Variants in ADAMTS7 observed in about 807,000 individuals in gnomAD.
The protein encoded by ADAMTS7 is A disintegrin and metalloproteinase with thrombospondin motifs 7.
Under a neutral mutation model 172.6 loss-of-function variants are expected in ADAMTS7, and 89 were observed. That is an observed-to-expected ratio of 0.52 (90% CI 0.43 to 0.61). The LOEUF is 0.61. Among genes scored for constraint, ADAMTS7 ranks in the 20% least tolerant of loss-of-function variants. ADAMTS7 has a pLI of 0.00. For synonymous variants in ADAMTS7, 885 were observed against 978.4 expected, an observed-to-expected ratio of 0.90 and a Z score of 1.78; for missense variants, 1,973 against 2,355.6, an observed-to-expected ratio of 0.84 and a Z score of 3.36.
Position 78,774,740 on chromosome 15 carries a change from C to T in ADAMTS7, c.1760G>A (p.Cys587Tyr). ...GCCAGCAGGGCAGGCCTGCAGGTTG[C>T]AGAGGCGGAAGCGCTTGCGCTCACC... Reference protein sequence around the residue: ...CVGERKRFRLCNLQACPAGRP... With the variant: ...CVGERKRFRLYNLQACPAGRP... The change falls in exon 12 of 24, where the codon TGC (cysteine) becomes TAC (tyrosine). Residue 587 changes from cysteine (C) to tyrosine (Y), a missense_variant. Around this residue, in one of 8 missense-constraint regions of ADAMTS7, gnomAD observed 526 missense variants for 662.9 expected, o/e 0.79. Transcript: ENST00000388820. 1 of 1,611,532 alleles carries T rather than the reference C, an allele frequency of 6.2e-7. No homozygotes were observed. Among genetic ancestry groups the T allele is most frequent in the East Asian group, 2.2e-5 (1 of 44,884 alleles).
Position 78,776,207 on chromosome 15 carries a change from G to C in ADAMTS7, c.1687C>G (p.Arg563Gly). 1 of 1,611,040 alleles carries C rather than the reference G, an allele frequency of 6.2e-7. No homozygotes were observed. Among genetic ancestry groups the C allele is most frequent in the Non-Finnish European group, 8.5e-7 (1 of 1,179,616 alleles). ...SCGMGVQSAE[R>G]QCTQPTPKYK... ...ACTCACGTAGGCTGCGTGCACTGCCGCTCGGCGCTCTGTACGCCCATGCCA... is the reference window on the plus strand; with the variant it reads ...ACTCACGTAGGCTGCGTGCACTGCCCCTCGGCGCTCTGTACGCCCATGCCA... Residue 563 changes from arginine to glycine, a missense_variant, in exon 11 of 24, where the codon CGG (arginine) becomes GGG (glycine). This residue lies in a region of ADAMTS7 where 526 missense variants were observed against 662.9 expected (regional missense o/e 0.79). Transcript: ENST00000388820.
At position 78,787,396 on chromosome 15, in the gene ADAMTS7, G is replaced by A. The variant is rs189515758; in HGVS notation, c.1322+835C>T. 3.5e-3 allele frequency among the ~76,000 whole-genome samples: 503 copies of A among 145,234 alleles called. 2 individuals carry two copies. Among genetic ancestry groups the A allele is most frequent in the African/African-American group, 0.012 (485 of 40,002 alleles). On this transcript the variant is annotated intron_variant, in intron 8 of 23. Transcript: ENST00000388820. ...CAGAACAGGCCGGGCATGGTGCACCGCTCATGCCTGTAATTCCAGCACTCT... is the reference window on the plus strand; with the variant it reads ...CAGAACAGGCCGGGCATGGTGCACCACTCATGCCTGTAATTCCAGCACTCT...
intron 1 of ADAMTS7, among the ~76,000 whole-genome samples, chr15:78,805,675 C>T (rs541352701): frequency 2.0e-5 from 3 of 152,322 alleles, no homozygotes; most frequent in African/African-American, 4.8e-5. Flanking sequence ...TGCTCATTTA[C>T]GTTACCTGCC....
intron 11 of ADAMTS7, among the ~76,000 whole-genome samples, chr15:78,775,616 C>T (rs191392179): frequency 0.02 from 3,120 of 152,198 alleles, 58 homozygotes; most frequent in Non-Finnish European, 0.029. Flanking sequence ...CACGTCAGGC[C>T]ACCCCTTCAG....
At chr15:78,785,570 A>G (rs1294939220) in intron 8 of ADAMTS7, among the ~76,000 whole-genome samples, 1 of 151,844 alleles carries the variant, frequency 6.6e-6, no homozygotes, top group Non-Finnish European at 1.5e-5. Context: ...AAAAGAAAAG[A>G]AAGAAAGAAA....
At chr15:78,774,832 G>A (rs2055315720) in intron 11 of ADAMTS7, 39 bp from the exon 12 acceptor site, 2 of 1,553,586 alleles carry the variant, frequency 1.3e-6, no homozygotes, top group South Asian at 1.2e-5. Context: ...TGACGGCCCA[G>A]TGAGTGCTAC....
chr15:78,772,029 G>A (rs2055259861), intron 14 of ADAMTS7, among the ~76,000 whole-genome samples, 200 bp from the exon 15 acceptor site: 1 of 152,002 alleles, frequency 6.6e-6, no homozygotes, highest in Non-Finnish European at 1.5e-5. Context: ...CCGTGGCCAT[G>A]CCCCATCACT....
rs1436410091 is a variant in ADAMTS7 at position 78,776,630 on chromosome 15, C to T, written c.1560+119G>A. 415 of 1,081,722 alleles carry T rather than the reference C, an allele frequency of 3.8e-4. 2 individuals are homozygous for T. Among genetic ancestry groups the T allele is most frequent in the South Asian group, 3.0e-4 (20 of 65,612 alleles). 67.0% of individuals were successfully genotyped at this position (1,081,722 alleles called of 1,614,324 possible). On this transcript the variant is annotated intron_variant, in intron 10 of 23. Transcript: ENST00000388820. ...AGATGGGGGCTTGGGCTGCAGAGAG[C>T]GTGGGGCTCTGCTAGGAGCACAAGC...
At chr15:78,810,920 T>C (rs1165101739) in intron 1 of ADAMTS7, 2 of 474,442 alleles carry the variant, frequency 4.2e-6, no homozygotes, top group Admixed American at 4.5e-5. Context: ...CCGAGGAAGT[T>C]TCCCCAGAAG....
In ADAMTS7 at chr15:78,766,106, C is replaced by T. The variant is rs767545966; in HGVS notation, c.3805G>A (p.Glu1269Lys). ...CCCAGGCCACCCTCCAGAGCTGGCT[C>T]CCAGGCCACTGTGCCTCCTGTCCAC... Reference protein sequence around the residue: ...ELWTGGTVAWEPALEGGLGPV... With the variant: ...ELWTGGTVAWKPALEGGLGPV... The change falls in exon 19 of 24, where the codon GAG becomes AAG. Residue 1269 changes from glutamate to lysine, a missense_variant. This residue lies in a region of ADAMTS7 where 771 missense variants were observed against 952.6 expected (regional missense o/e 0.81). Coordinates refer to ENST00000388820, the MANE Select transcript of ADAMTS7 (RefSeq NM_014272.5). 4.3e-6 allele frequency: 7 copies of T among 1,611,136 alleles called. No individual in the cohort carries two copies. Among genetic ancestry groups the T allele is most frequent in the Non-Finnish European group, 5.9e-6 (7 of 1,179,936 alleles).
intron 1 of ADAMTS7, among the ~76,000 whole-genome samples, chr15:78,807,922 G>A (rs535885991): frequency 5.4e-4 from 81 of 150,036 alleles, no homozygotes; most frequent in African/African-American, 1.7e-3. Context: ...TGATGCGATC[G>A]TGGTTTACTG....
chr15:78,807,608 T>A (rs1439022936), intron 1 of ADAMTS7, among the ~76,000 whole-genome samples: 1 of 152,226 alleles, frequency 6.6e-6, no homozygotes, highest in Non-Finnish European at 1.5e-5. Context: ...GAATCTCAGT[T>A]TCTCCATCTG....
chr15:78,810,032 A>C (rs2055843479), intron 1 of ADAMTS7, among the ~76,000 whole-genome samples: 1 of 152,216 alleles, frequency 6.6e-6, no homozygotes, highest in South Asian at 2.1e-4. Context: ...CAAACCTCTA[A>C]GATCAAGAGT....
intron 1 of ADAMTS7, chr15:78,810,883 A>G: frequency 2.6e-6 from 1 of 383,662 alleles, no homozygotes; most frequent in Non-Finnish European, 4.5e-6. Context: ...TCCAGGCGAC[A>G]GGCAGTGTCA....
At chr15:78,795,400 G>T (rs944268964) in intron 4 of ADAMTS7, among the ~76,000 whole-genome samples, 1 of 152,224 alleles carries the variant, frequency 6.6e-6, no homozygotes, top group Non-Finnish European at 1.5e-5. Context: ...GGAAGAACTG[G>T]CCCAGAGCTG....
rs1330585492 is a variant in ADAMTS7 at position 78,796,649 on chromosome 15, T to C, written c.760A>G (p.Met254Val). 1.2e-6 allele frequency: 2 copies of C among 1,613,934 alleles called. No individual in the cohort carries two copies. The highest frequency in any genetic ancestry group is 1.7e-5 in the Admixed American group (1 of 60,008). The change falls in exon 4 of 24, where the codon ATG becomes GTG. Residue 254 changes from methionine (M) to valine (V), a missense_variant. Physicochemically the swap from Met to Val is conservative, Grantham distance 21. This residue lies in a region of ADAMTS7 where 526 missense variants were observed against 662.9 expected (regional missense o/e 0.79). Coordinates refer to ENST00000388820, the MANE Select transcript of ADAMTS7 (RefSeq NM_014272.5). ...VETLVVADAK[M>V]VEYHGQPQVE... ...TGCGGCTGTCCGTGGTACTCCACCA[T>C]TTTGGCATCAGCTACTACCAGGGTC...
Position 78,768,214 on chromosome 15 carries a change from G to A in ADAMTS7, c.2564C>T (p.Pro855Leu). The change falls in exon 17 of 24, where the codon CCC (proline) becomes CTC (leucine). Residue 855 changes from proline to leucine, a missense_variant. Physicochemically the swap from Pro to Leu is moderately conservative, Grantham distance 98. This residue lies in a region of ADAMTS7 where 771 missense variants were observed against 952.6 expected (regional missense o/e 0.81). Transcript: ENST00000388820. ...NVYCLERQAG[P>L]VDEEHCDPLG... is the part of the protein sequence containing the mutation. The stretch of plus-strand genomic sequence containing the variant: ...GGGGTCACAGTGCTCCTCGTCCACG[G>A]GCCCTGCCTGCCGCTCCAAGCAGTA... 1 of 1,610,558 alleles carries A rather than the reference G, an allele frequency of 6.2e-7. No individual in the cohort carries two copies.
At position 78,791,178 on chromosome 15, in the gene ADAMTS7, T is replaced by C. The variant is rs745693577; in HGVS notation, c.865A>G (p.Ile289Val). ...AGCAGGACCAGGCGCACAATGGTGA[T>C]GTGGATGGGGTTCCCAATGCTGGGG... is the stretch of plus-strand genomic sequence containing the variant. ...HDPSIGNPIHITIVRLVLLED... is the reference protein window; with the variant it reads ...HDPSIGNPIHVTIVRLVLLED... Residue 289 changes from isoleucine to valine, a missense_variant, in exon 5 of 24, where the codon ATC becomes GTC. By Grantham distance (29) the Ile-to-Val change is conservative. This residue lies in a region of ADAMTS7 where 526 missense variants were observed against 662.9 expected (regional missense o/e 0.79). Transcript: ENST00000388820. 1.9e-6 allele frequency: 3 copies of C among 1,613,448 alleles called. No individual in the cohort carries two copies. Among genetic ancestry groups the C allele is most frequent in the Middle Eastern group, 1.7e-4 (1 of 6,026 alleles).
intron 11 of ADAMTS7, among the ~76,000 whole-genome samples, chr15:78,775,212 C>A (rs937282406): frequency 2.6e-5 from 4 of 152,214 alleles, no homozygotes; most frequent in African/African-American, 7.2e-5. Context: ...TCCTAACGAG[C>A]CCTTGAGTCC....
Sources: allele counts gnomAD v4.1 joint callset (sites outside exome capture counted in the v4.1 genomes callset), GRCh38; gene constraint gnomAD v4.1.1; regional missense constraint gnomAD v4.1.1; transcripts MANE v1.5; gene names NCBI Gene and HGNC (gene_info 2026-07-23, HGNC 2026-07-21).